The following TRIM66 variants were observed in gnomAD, a reference collection of about 807,000 sequenced individuals.
The protein encoded by TRIM66 is tripartite motif containing 66.
A neutral mutation model predicts 148.2 loss-of-function variants in TRIM66; 99 were observed. The observed-to-expected ratio is 0.67, with a 90% CI of 0.57 to 0.79. The LOEUF (loss-of-function observed/expected upper bound fraction) is 0.79. Ranked by LOEUF, TRIM66 falls within the 30% of genes least tolerant of loss-of-function variation. TRIM66 has a pLI of 0.00. For missense variants in TRIM66, 1,666 were observed against 1,697.9 expected, an observed-to-expected ratio of 0.98 and a Z score of 0.33; for synonymous variants, 616 against 635.9, an observed-to-expected ratio of 0.97 and a Z score of 0.47.
In TRIM66 at chr11:8,620,529, C is replaced by T. The variant is rs780433677; in HGVS notation, c.3589G>A (p.Glu1197Lys). ...CTLCRSLTQPEMEYDCENACY... is the reference protein window; with the variant it reads ...CTLCRSLTQPKMEYDCENACY... ...GCATTCTCACAGTCGTACTCCATCT[C>T]GGGCTGGGTCAGGCTGCGGCACAAG... The change falls in exon 21 of 25, where the codon GAG (glutamate) becomes AAG (lysine). Residue 1197 changes from glutamate (E) to lysine (K), a missense_variant. Physicochemically the swap from Glu to Lys is moderately conservative, Grantham distance 56. This residue lies in a region of TRIM66 where 31 missense variants were observed against 54.4 expected (regional missense o/e 0.57). Transcript: ENST00000646038. 7.7e-6 allele frequency: 12 copies of T among 1,551,662 alleles called. No individual in the cohort carries two copies. Among genetic ancestry groups the T allele is most frequent in the African/African-American group, 2.7e-5 (2 of 73,052 alleles).
intron 3 of TRIM66, among the ~76,000 whole-genome samples, chr11:8,676,451 A>C (rs1304374129): frequency 6.6e-6 from 1 of 152,180 alleles, no homozygotes; most frequent in Non-Finnish European, 1.5e-5. Flanking sequence ...CCCCCACCCC[A>C]TAAGGTCTAC....
chr11:8,620,738 T>C (rs932434387), intron 20 of TRIM66, among the ~76,000 whole-genome samples, 166 bp from the exon 21 acceptor site: 2 of 152,232 alleles, frequency 1.3e-5, no homozygotes, highest in African/African-American at 4.8e-5. Flanking sequence ...CTCAGAATTT[T>C]GTGAATCTAG....
chr11:8,640,390 A>G lies in TRIM66; in HGVS notation c.1985T>C (p.Met662Thr), dbSNP rs2036259927. 1 of 1,551,720 alleles carries G rather than the reference A, an allele frequency of 6.4e-7. No individual in the cohort carries two copies. Among genetic ancestry groups the G allele is most frequent in the African/African-American group, 1.4e-5 (1 of 72,958 alleles). Reference protein sequence around the residue: ...IMHHKFELEEMQKDLELLLQA... With the variant: ...IMHHKFELEETQKDLELLLQA... ...GAGAAGAAGCTCCAAGTCCTTCTGC[A>G]TTTCCTCCAGCTCAAACTTGTGATG... Residue 662 changes from methionine to threonine, a missense_variant, in exon 14 of 25, where the codon ATG (methionine) becomes ACG (threonine). Around this residue, in one of 3 missense-constraint regions of TRIM66, gnomAD observed 1,431 missense variants for 1,412.4 expected, o/e 1.01. Transcript: ENST00000646038.
chr11:8,651,943 G>T (rs1367365458), intron 6 of TRIM66, 40 bp from the exon 7 acceptor site: 4 of 1,497,440 alleles, frequency 2.7e-6, no homozygotes, highest in Non-Finnish European at 3.6e-6. Flanking sequence ...GGGCAACATG[G>T]CTGATTATAA....
chr11:8,622,185 T>C (rs2034293209), intron 18 of TRIM66, among the ~76,000 whole-genome samples: 1 of 151,278 alleles, frequency 6.6e-6, no homozygotes, highest in African/African-American at 2.4e-5. Flanking sequence ...AGTTCTTCAG[T>C]TTTGAGACTC....
chr11:8,666,012 C>T (rs558189248), intron 6 of TRIM66, among the ~76,000 whole-genome samples: 65 of 151,998 alleles, frequency 4.3e-4, no homozygotes, highest in Admixed American at 1.9e-3. Flanking sequence ...TGGAAGGTAA[C>T]CATGACCCAG....
At chr11:8,651,472 G>T (rs1238315220) in intron 7 of TRIM66, among the ~76,000 whole-genome samples, 1 of 152,004 alleles carries the variant, frequency 6.6e-6, no homozygotes, top group Non-Finnish European at 1.5e-5. Flanking sequence ...CCCAGTACTG[G>T]TATTTTTCAG....
intron 6 of TRIM66, 107 bp from the exon 7 acceptor site, chr11:8,652,010 C>T (rs2133265463): frequency 1.2e-6 from 1 of 843,834 alleles, no homozygotes; most frequent in Non-Finnish European, 1.8e-6. Context: ...TGGCAATACC[C>T]ATGTGTGCCA....
In TRIM66 at chr11:8,657,391, G is replaced by A. The variant is rs563257472; in HGVS notation, c.341-5488C>T. Among the ~76,000 whole-genome samples the A allele has an allele frequency of 1.2e-3, 177 of 152,244 alleles. 1 individual carries two copies. The highest frequency in any genetic ancestry group is 6.8e-4 in the Non-Finnish European group (46 of 68,002). ...GATGCTCCTCCGCTAGTTCCAACCC[G>A]TAGACCCAAAGCTGGACAGAGCTTC... is the stretch of plus-strand genomic sequence containing the variant. On this transcript the variant is annotated intron_variant, in intron 6 of 24. Coordinates refer to ENST00000646038, the MANE Select transcript of TRIM66 (RefSeq NM_001388022.1).
Position 8,643,073 on chromosome 11 carries a change from G to A in TRIM66, c.1158C>T (p.Gly386=). The A allele has an allele frequency of 1.3e-6, 2 of 1,551,396 alleles. No individual in the cohort carries two copies. The highest frequency in any genetic ancestry group is 1.7e-6 in the Non-Finnish European group (2 of 1,146,890). The change falls in exon 13 of 25, where the codon GGC becomes GGT. Residue 386 remains glycine, a synonymous_variant. Transcript: ENST00000646038. ...LLETSCNTDP[G]SPWSIRFTWE... is the part of the protein sequence containing the mutation. ...AGGTGAATCTGATACTCCAAGGGGA[G>A]CCAGGATCTGTGTTACAACTTGTCT...
intron 21 of TRIM66, 55 bp from the exon 22 acceptor site, chr11:8,620,179 G>C: frequency 1.3e-6 from 2 of 1,493,444 alleles, no homozygotes; most frequent in East Asian, 4.9e-5. Context: ...ACCTCAGTAT[G>C]AACTAAAGAT....
chr11:8,619,223 G>T lies in TRIM66; in HGVS notation c.3900+160C>A, dbSNP rs115598617. The T allele has an allele frequency of 1.0e-3, 884 of 881,344 alleles. 7 individuals carry two copies. In the African/African-American group the frequency reaches 0.014, roughly 14 times the overall value. The allele number at this position is 881,344 out of a possible 1,614,324, so 54.6% of individuals were successfully genotyped here. A position where few individuals can be genotyped will look rare whatever the true frequency, so the allele number is the denominator to read the frequency against. On this transcript the variant is annotated intron_variant, in intron 23 of 24. Transcript: ENST00000646038. Reference sequence around the variant, plus strand: ...CCTGAGTCCATGCTAAGGCCTGAGTGTGGGAGAGAGCTTTTAAACACTCAC... The same window carrying T: ...CCTGAGTCCATGCTAAGGCCTGAGTTTGGGAGAGAGCTTTTAAACACTCAC...
chr11:8,663,060 T>C (rs1279645659), intron 6 of TRIM66: 2 of 152,180 alleles, frequency 1.3e-5, no homozygotes, highest in Non-Finnish European at 2.9e-5. Context: ...CCAATTCCAA[T>C]AGCTAGCATT....
At chr11:8,673,106 T>C in intron 4 of TRIM66, among the ~76,000 whole-genome samples, 1 of 151,336 alleles carries the variant, frequency 6.6e-6, no homozygotes, top group East Asian at 1.9e-4. Flanking sequence ...CCCTGGCTAA[T>C]TTTTTTTGTA....
chr11:8,644,500 A>G (rs2036679285), intron 12 of TRIM66: 3 of 439,214 alleles, frequency 6.8e-6, no homozygotes, highest in Admixed American at 5.1e-5. Flanking sequence ...CTACCCTCAA[A>G]CTTAACTACA....
intron 1 of TRIM66, among the ~76,000 whole-genome samples, chr11:8,681,970 C>A (rs911186261): frequency 5.3e-5 from 8 of 152,062 alleles, no homozygotes; most frequent in African/African-American, 1.9e-4. Context: ...CTATGTTGCC[C>A]AGGCTGGTGT....
In TRIM66 at chr11:8,633,014, G is replaced by A. The variant is rs531961259; in HGVS notation, c.2310+5640C>T. 1.2e-4 allele frequency among the ~76,000 whole-genome samples: 18 copies of A among 152,346 alleles called. No homozygotes were observed. The South Asian group carries it at 3.7e-3, about 32-fold the overall frequency. ...ATCTCAGAATCTGAGGTAGAAGAAA[G>A]AGGAAAGGAGTAAGTGGATTCTAGT... On this transcript the variant is annotated intron_variant, in intron 15 of 24. Transcript: ENST00000646038.
At position 8,640,844 on chromosome 11, in the gene TRIM66, G is replaced by A; in HGVS notation, c.1531C>T (p.Leu511=). The change falls in exon 14 of 25, where the codon CTG becomes TTG. Residue 511 remains leucine, a synonymous_variant. Transcript: ENST00000646038. The stretch of plus-strand genomic sequence containing the variant: ...GCCAGCTCTTTCTCCCTGGGCAGCA[G>A]GGCAGAGCACTGCAGAGACCCCAGC... ...QQLGSLQCSA[L]LPREKELACS... is the part of the protein sequence containing the mutation. 6.4e-7 allele frequency: 1 copy of A among 1,550,518 alleles called. No homozygotes were observed. The highest frequency in any genetic ancestry group is 1.2e-5 in the South Asian group (1 of 84,012).
intron 19 of TRIM66, 80 bp from the exon 20 acceptor site, chr11:8,621,401 C>G (rs1362323873): frequency 6.8e-7 from 1 of 1,466,650 alleles, no homozygotes; most frequent in Non-Finnish European, 9.0e-7. Context: ...GACTGGCAGG[C>G]CCTGCATGCC....
Sources: allele counts gnomAD v4.1 joint callset (sites outside exome capture counted in the v4.1 genomes callset), GRCh38; gene constraint gnomAD v4.1.1; regional missense constraint gnomAD v4.1.1; transcripts MANE v1.5; gene names NCBI Gene and HGNC (gene_info 2026-07-23, HGNC 2026-07-21).